The following CPA3 variants were observed in gnomAD, a reference collection of about 807,000 sequenced individuals.
CPA3 encodes the protein carboxypeptidase A3, also known as mast cell carboxypeptidase A.
A neutral mutation model predicts 55.8 loss-of-function variants in CPA3; 52 were observed. The ratio of observed to expected loss-of-function variants is 0.93; its 90% CI spans 0.75 to 1.17. The LOEUF (loss-of-function observed/expected upper bound fraction) is 1.17. Ranked by LOEUF, CPA3 falls within the 50% of genes most tolerant of loss-of-function variation. The probability of loss-of-function intolerance (pLI) is 0.00; values close to 1 mark genes in which losing one functional copy is unlikely to be tolerated. For missense variants in CPA3, 547 were observed against 509.1 expected, an observed-to-expected ratio of 1.07 and a Z score of -0.72; for synonymous variants, 179 against 171.2, an observed-to-expected ratio of 1.05 and a Z score of -0.36.
Position 148,888,760 on chromosome 3 carries a change from T to C in CPA3, c.1066+2583T>C, listed in dbSNP as rs528840410. ...AATTAAAGCATCAAATAATTATCCGTGTGTGTGTATCCACAAAAGTATGAG... is the reference window on the plus strand; with the variant it reads ...AATTAAAGCATCAAATAATTATCCGCGTGTGTGTATCCACAAAAGTATGAG... On this transcript the variant is annotated intron_variant, in intron 10 of 10. Coordinates refer to ENST00000296046, the MANE Select transcript of CPA3 (RefSeq NM_001870.4). Among the ~76,000 whole-genome samples, 332 of 152,316 alleles carry C rather than the reference T, an allele frequency of 2.2e-3. 2 individuals are homozygous for C. The highest frequency in any genetic ancestry group is 7.8e-3 in the African/African-American group (325 of 41,570).
chr3:148,887,929 C>T (rs1168469537), intron 10 of CPA3, among the ~76,000 whole-genome samples: 1 of 152,174 alleles, frequency 6.6e-6, no homozygotes, highest in Non-Finnish European at 1.5e-5. Context: ...GAAACCACAA[C>T]AGTACTGGAC....
Position 148,896,711 on chromosome 3 carries a change from A to ACTG in CPA3, c.*6_*8dup, listed in dbSNP as rs1714841723. ...TATCCTCAAGCATACTTCCTAAAGA[A>ACTG]CTGCCCTCTGTTTGGAATAAGCCAA... On this transcript the variant is annotated 3_prime_UTR_variant, in exon 11 of 11. Transcript: ENST00000296046. The ACTG allele has an allele frequency of 2.7e-6, 4 of 1,503,106 alleles. No individual in the cohort carries two copies. The highest frequency in any genetic ancestry group is 1.8e-4 in the Middle Eastern group (1 of 5,644). The allele number at this position is 1,503,106 out of a possible 1,614,324, so 93.1% of individuals were successfully genotyped here.
chr3:148,875,546 T>C (rs890012420), intron 3 of CPA3, among the ~76,000 whole-genome samples: 10 of 152,110 alleles, frequency 6.6e-5, no homozygotes, highest in Admixed American at 6.5e-4. Flanking sequence ...TCTAGGGAGT[T>C]TTTTAACTTT....
rs145833901 is a variant in CPA3 at position 148,896,685 on chromosome 3, A to C, written c.1232A>C (p.Tyr411Ser). Residue 411 changes from tyrosine to serine, a missense_variant, in exon 11 of 11, where the codon TAT (tyrosine) becomes TCT (serine). By Grantham distance (144) the Tyr-to-Ser change is moderately radical (BLOSUM62 -2). Coordinates refer to ENST00000296046, the MANE Select transcript of CPA3 (RefSeq NM_001870.4). Reference sequence around the variant, plus strand: ...CTAGCTGTCAAATTTATTGCCAAGTATATCCTCAAGCATACTTCCTAAAGA... The same window carrying C: ...CTAGCTGTCAAATTTATTGCCAAGTCTATCCTCAAGCATACTTCCTAAAGA... Reference protein sequence around the residue: ...TMLAVKFIAKYILKHTS With the variant: ...TMLAVKFIAKSILKHTS The C allele has an allele frequency of 9.8e-4, 1,522 of 1,547,426 alleles. 8 individuals carry two copies. The highest frequency in any genetic ancestry group is 3.7e-3 in the South Asian group (313 of 83,768).
chr3:148,869,045 T>G lies in CPA3; in HGVS notation c.269+6T>G. 6.2e-7 allele frequency: 1 copy of G among 1,609,794 alleles called. No individual in the cohort carries two copies. Among genetic ancestry groups the G allele is most frequent in the Non-Finnish European group, 8.5e-7 (1 of 1,177,248 alleles). On this transcript the variant is annotated splice_donor_region_variant and intron_variant, in intron 3 of 10. Coordinates refer to ENST00000296046, the MANE Select transcript of CPA3 (RefSeq NM_001870.4). ...CAAAATAAAATGCACTATGAGTAAGTCCTTGGCAAATATTGAAATTTGTTG... is the reference window on the plus strand; with the variant it reads ...CAAAATAAAATGCACTATGAGTAAGGCCTTGGCAAATATTGAAATTTGTTG...
At chr3:148,867,004 C>A (rs548246521) in intron 2 of CPA3, among the ~76,000 whole-genome samples, 2 of 152,284 alleles carry the variant, frequency 1.3e-5, no homozygotes, top group South Asian at 4.2e-4. Flanking sequence ...GATCCACCCG[C>A]CTCAGCCTCC....
chr3:148,878,108 G>A (rs997135334), intron 3 of CPA3, among the ~76,000 whole-genome samples: 5 of 152,140 alleles, frequency 3.3e-5, no homozygotes, highest in Non-Finnish European at 7.3e-5. Flanking sequence ...TTATTAGTGA[G>A]ATAGTTTATA....
intron 2 of CPA3, among the ~76,000 whole-genome samples, chr3:148,865,852 G>A (rs974360974): frequency 6.6e-5 from 10 of 152,040 alleles, no homozygotes; most frequent in Non-Finnish European, 1.5e-4. Flanking sequence ...TCTTGCCTAC[G>A]GGTGCCATTC....
chr3:148,877,071 C>T (rs1393679167), intron 3 of CPA3, among the ~76,000 whole-genome samples: 4 of 152,146 alleles, frequency 2.6e-5, no homozygotes, highest in East Asian at 3.9e-4. Flanking sequence ...CAAGTGAAAA[C>T]GTCATGTAGG....
intron 6 of CPA3, 141 bp from the exon 7 acceptor site, chr3:148,881,381 A>G (rs543908869): frequency 1.9e-5 from 11 of 578,808 alleles, no homozygotes; most frequent in Non-Finnish European, 3.1e-5. Context: ...TGGATTGTTT[A>G]TTTTTGTTCA....
chr3:148,880,020 G>T, intron 6 of CPA3, 131 bp downstream of exon 6: 2 of 581,342 alleles, frequency 3.4e-6, no homozygotes, highest in Non-Finnish European at 3.1e-6. Context: ...TGTCAGGGAA[G>T]AAACGCTCTG....
In CPA3 at chr3:148,878,768, C is replaced by T; in HGVS notation, c.474+20C>T. The T allele has an allele frequency of 7.3e-7, 1 of 1,367,108 alleles. No homozygotes were observed. Among genetic ancestry groups the T allele is most frequent in the Non-Finnish European group, 1.0e-6 (1 of 973,124 alleles). 84.7% of individuals were successfully genotyped at this position (1,367,108 alleles called of 1,614,324 possible). On this transcript the variant is annotated intron_variant, in intron 5 of 10. Transcript: ENST00000296046. ...CTGAAGGTAAAAATAACTCAAGAAC[C>T]ACTAATTCTTATTACTGTTGAAAAA...
intron 3 of CPA3, among the ~76,000 whole-genome samples, chr3:148,871,040 A>C (rs1299419264): frequency 2.0e-5 from 3 of 152,170 alleles, no homozygotes; most frequent in Non-Finnish European, 4.4e-5. Context: ...CTTATACTAC[A>C]GGCACCTGCC....
chr3:148,888,769 A>G (rs1714597316), intron 10 of CPA3, among the ~76,000 whole-genome samples: 1 of 152,224 alleles, frequency 6.6e-6, no homozygotes, highest in Non-Finnish European at 1.5e-5. Context: ...GTGTGTGTGT[A>G]TCCACAAAAG....
intron 5 of CPA3, 99 bp downstream of exon 5, chr3:148,878,847 A>G (rs914730914): frequency 2.0e-5 from 14 of 687,062 alleles, no homozygotes. Flanking sequence ...GAGCTAATAC[A>G]TATTATCTCT....
At chr3:148,894,653 C>G (rs1714776494) in intron 10 of CPA3, among the ~76,000 whole-genome samples, 1 of 88,366 alleles carries the variant, frequency 1.1e-5, no homozygotes, top group Non-Finnish European at 2.5e-5. Context: ...AAAAGATATA[C>G]TATGCCATAG....
intron 3 of CPA3, among the ~76,000 whole-genome samples, chr3:148,873,245 T>C (rs71304424): frequency 0.028 from 4,312 of 152,292 alleles, 101 homozygotes; most frequent in Middle Eastern, 0.085. Flanking sequence ...CCTGAAACCA[T>C]GCTTTTTGAA....
intron 10 of CPA3, among the ~76,000 whole-genome samples, chr3:148,889,869 CAAAAAAAA>C (rs10693111): frequency 9.1e-6 from 1 of 110,238 alleles, no homozygotes; most frequent in Non-Finnish European, 1.8e-5. Flanking sequence ...AACTCCATCT[CAAAAAAAA>C]AAAAAAAAAA....
chr3:148,868,082 G>A (rs1045954335), intron 2 of CPA3, among the ~76,000 whole-genome samples: 19 of 152,226 alleles, frequency 1.2e-4, no homozygotes, highest in African/African-American at 4.6e-4. Context: ...TTTAATAGAA[G>A]TGGGGTTTCT....
Sources: gnomAD v4.1 joint callset for allele counts (sites outside exome capture counted in the v4.1 genomes callset) on GRCh38, gnomAD v4.1.1 for gene constraint, MANE v1.5 for transcripts, NCBI Gene and HGNC (gene_info 2026-07-23, HGNC 2026-07-21) for gene names.